GTF2A2: variants seen among roughly 807,000 people sequenced by gnomAD.
GTF2A2 encodes transcription initiation factor IIA subunit 2.
GTF2A2 carries 9 observed loss-of-function variants against 14.3 expected under a neutral mutation model. The observed-to-expected ratio is 0.63, with a 90% CI of 0.38 to 1.10. The LOEUF (loss-of-function observed/expected upper bound fraction) is 1.10, where lower values mean the gene tolerates loss of function less well. GTF2A2 is among the 50% of genes least tolerant of loss of function. The pLI is 0.01. For synonymous variants in GTF2A2, 56 were observed against 46.0 expected, an observed-to-expected ratio of 1.22 and a Z score of -0.88; for missense variants, 90 against 124.6, an observed-to-expected ratio of 0.72 and a Z score of 1.32.
At chr15:59,646,988 A>G (rs763115134) in intron 3 of GTF2A2, among the ~76,000 whole-genome samples, 33 of 150,538 alleles carry the variant, frequency 2.2e-4, no homozygotes, top group Non-Finnish European at 4.1e-4. Flanking sequence ...ATGTTTATAT[A>G]TATGTATATA....
Position 59,656,149 on chromosome 15 carries a change from ATCT to A in GTF2A2, c.-50+1254_-50+1256del, listed in dbSNP as rs1891936379. On this transcript the variant is annotated intron_variant, in intron 1 of 4. Coordinates refer to ENST00000396060, the MANE Select transcript of GTF2A2 (RefSeq NM_004492.3). ...CGGCTACCATGATCTCTTTGACTTT[ATCT>A]TCTTGTCCCTCCACCCCCAAAACTC... is the stretch of plus-strand genomic sequence containing the variant. Among the ~76,000 whole-genome samples, 3 of 152,048 alleles carry A rather than the reference ATCT, an allele frequency of 2.0e-5. 1 individual carries two copies. Among genetic ancestry groups the A allele is most frequent in the Admixed American group, 2.0e-4 (3 of 15,258 alleles).
In GTF2A2 at chr15:59,638,741, TGACAAAACATGA is replaced by T. The variant is rs1378257821; in HGVS notation, c.*379_*390del. On this transcript the variant is annotated 3_prime_UTR_variant, in exon 5 of 5. Coordinates refer to ENST00000396060, the MANE Select transcript of GTF2A2 (RefSeq NM_004492.3). The stretch of plus-strand genomic sequence containing the variant: ...TGCTTTCATCAGGTAAAGTTACAAC[TGACAAAACATGA>T]CTTTATTGAAATAAGCATTCTGAAA... The T allele has an allele frequency of 6.4e-6, 1 of 155,374 alleles. No homozygotes were observed. 9.6% of individuals were successfully genotyped at this position (155,374 alleles called of 1,614,324 possible).
At chr15:59,646,936 AAGTC>A (rs1285561611) in intron 3 of GTF2A2, among the ~76,000 whole-genome samples, 6 of 151,402 alleles carry the variant, frequency 4.0e-5, no homozygotes, top group South Asian at 2.1e-4. Flanking sequence ...ACTGATTTGA[AAGTC>A]AGAATCCATT....
intron 2 of GTF2A2, 33 bp downstream of exon 2, chr15:59,652,173 T>C (rs1429890577): frequency 2.5e-6 from 3 of 1,200,896 alleles, no homozygotes; most frequent in Non-Finnish European, 3.7e-6. Context: ...CCCATCAAGA[T>C]AAAAATGTTT....
intron 4 of GTF2A2, among the ~76,000 whole-genome samples, chr15:59,639,912 G>A (rs1490842213): frequency 6.6e-6 from 1 of 151,970 alleles, no homozygotes; most frequent in East Asian, 1.9e-4. Context: ...CACCATGCCT[G>A]GCTAATTTTT....
chr15:59,639,566 C>T (rs1178660882), intron 4 of GTF2A2, among the ~76,000 whole-genome samples: 1 of 149,470 alleles, frequency 6.7e-6, no homozygotes, highest in African/African-American at 2.5e-5. Flanking sequence ...GGGTTCACGC[C>T]ATTCTCCTGC....
intron 4 of GTF2A2, 80 bp from the exon 5 acceptor site, chr15:59,639,237 A>G (rs1891300776): frequency 1.2e-6 from 1 of 840,664 alleles, no homozygotes; most frequent in African/African-American, 1.7e-5. Context: ...TAAGACTATC[A>G]AAAATGAGAA....
chr15:59,638,354 A>T lies in GTF2A2; in HGVS notation c.*778T>A, dbSNP rs11635939. ...AAGAAACTCCTCACCTAGGGTCAGTATGTTACTTCTGTATTTCTGCAAGCA... is the reference window on the plus strand; with the variant it reads ...AAGAAACTCCTCACCTAGGGTCAGTTTGTTACTTCTGTATTTCTGCAAGCA... On this transcript the variant is annotated 3_prime_UTR_variant, in exon 5 of 5. Coordinates refer to ENST00000396060, the MANE Select transcript of GTF2A2 (RefSeq NM_004492.3). 0.12 allele frequency: 18,681 copies of T among 152,160 alleles called. 1,541 individuals are homozygous for T. The highest frequency in any genetic ancestry group is 0.18 in the Non-Finnish European group (12,243 of 68,000). 9.4% of individuals were successfully genotyped at this position (152,160 alleles called of 1,614,324 possible). A position where few individuals can be genotyped will look rare whatever the true frequency, so the allele number is the denominator to read the frequency against.
chr15:59,650,027 C>T (rs1018664951), intron 3 of GTF2A2, among the ~76,000 whole-genome samples: 10 of 152,114 alleles, frequency 6.6e-5, no homozygotes, highest in Non-Finnish European at 1.0e-4. Context: ...TTATATGACT[C>T]CATCAATACC....
At chr15:59,649,148 A>G (rs1180215464) in intron 3 of GTF2A2, among the ~76,000 whole-genome samples, 3 of 152,180 alleles carry the variant, frequency 2.0e-5, no homozygotes, top group Non-Finnish European at 2.9e-5. Flanking sequence ...ACACTAAGCT[A>G]AACAGAATGT....
intron 4 of GTF2A2, chr15:59,639,980 G>C (rs1234403685): frequency 6.6e-6 from 1 of 152,024 alleles, no homozygotes; most frequent in Non-Finnish European, 1.5e-5. Context: ...CAAACTCCTG[G>C]CCTCAAGTGA....
In GTF2A2 at chr15:59,650,682, C is replaced by G. The variant is rs1891763820; in HGVS notation, c.164G>C (p.Arg55Thr). Reference sequence around the variant, plus strand: ...AAATATCCTTACCCTGAAATTGACTCTGTTCCTGACCCTCTGAGCCAGTGC... The same window carrying G: ...AAATATCCTTACCCTGAAATTGACTGTGTTCCTGACCCTCTGAGCCAGTGC... ...NAALAQRVRNRVNFRGSLNTY... is the reference protein window; with the variant it reads ...NAALAQRVRNTVNFRGSLNTY... Residue 55 changes from arginine (R) to threonine (T), a missense_variant, in exon 3 of 5, where the codon AGA becomes ACA. Coordinates refer to ENST00000396060, the MANE Select transcript of GTF2A2 (RefSeq NM_004492.3). The G allele has an allele frequency of 6.3e-7, 1 of 1,585,754 alleles. No homozygotes were observed. Among genetic ancestry groups the G allele is most frequent in the Non-Finnish European group, 8.7e-7 (1 of 1,154,602 alleles).
intron 2 of GTF2A2, chr15:59,651,884 ATG>A (rs1891803820): frequency 5.0e-6 from 1 of 200,402 alleles, no homozygotes; most frequent in Admixed American, 5.4e-5. Context: ...GGGTGGTGCT[ATG>A]TTGCTTAAGC....
At chr15:59,641,103 C>A (rs1891405790) in intron 4 of GTF2A2, among the ~76,000 whole-genome samples, 2 of 151,572 alleles carry the variant, frequency 1.3e-5, no homozygotes, top group African/African-American at 4.9e-5. Flanking sequence ...CCTGTAATCC[C>A]AGCACTCTGG....
chr15:59,648,948 A>G (rs1442871229), intron 3 of GTF2A2, among the ~76,000 whole-genome samples: 1 of 152,116 alleles, frequency 6.6e-6, no homozygotes, highest in East Asian at 1.9e-4. Flanking sequence ...AACAAAAACA[A>G]AAACAAACAA....
chr15:59,639,235 T>C (rs976150146), intron 4 of GTF2A2, 78 bp from the exon 5 acceptor site: 21 of 851,936 alleles, frequency 2.5e-5, no homozygotes, highest in Admixed American at 8.9e-5. Context: ...TTTAAGACTA[T>C]CAAAAATGAG....
rs1891818205 is a variant in GTF2A2 at position 59,652,335 on chromosome 15, T to G, written c.-49-9A>C. The G allele has an allele frequency of 4.5e-6, 4 of 894,096 alleles. No individual in the cohort carries two copies. The highest frequency in any genetic ancestry group is 7.2e-6 in the Non-Finnish European group (4 of 556,008). The allele number at this position is 894,096 out of a possible 1,614,324, so 55.4% of individuals were successfully genotyped here. On this transcript the variant is annotated splice_polypyrimidine_tract_variant and intron_variant, in intron 1 of 4. Coordinates refer to ENST00000396060, the MANE Select transcript of GTF2A2 (RefSeq NM_004492.3). ...AAGCTTGCATTGATGTCCTAAAAAT[T>G]TAATATAAAATTGTTAAAAAAGATC...
At chr15:59,644,473 T>C (rs1274398998) in intron 3 of GTF2A2, 1 of 152,206 alleles carries the variant, frequency 6.6e-6, no homozygotes, top group African/African-American at 2.4e-5. Context: ...AAATGAGTAA[T>C]TACTGTGTGC....
At chr15:59,639,434 T>A (rs1314544308) in intron 4 of GTF2A2, among the ~76,000 whole-genome samples, 1 of 151,398 alleles carries the variant, frequency 6.6e-6, no homozygotes, top group Non-Finnish European at 1.5e-5. Flanking sequence ...TTACATAACC[T>A]TTCTTCCCCC....
Sources: gnomAD v4.1 joint callset for allele counts (sites outside exome capture counted in the v4.1 genomes callset) on GRCh38, gnomAD v4.1.1 for gene constraint, MANE v1.5 for transcripts, NCBI Gene and HGNC (gene_info 2026-07-23, HGNC 2026-07-21) for gene names.